Variants in ADGRB1 observed in about 807,000 individuals in gnomAD.
ADGRB1 encodes the protein brain-specific angiogenesis inhibitor 1.
In ADGRB1, 36 loss-of-function variants were observed where a neutral mutation model predicts 175.7. The observed-to-expected ratio is 0.20, with a 90% CI of 0.16 to 0.27. ADGRB1 has a LOEUF of 0.27. Ranked by LOEUF, ADGRB1 falls within the 10% of genes least tolerant of loss-of-function variation. The probability of loss-of-function intolerance (pLI) is 1.00; values close to 1 mark genes in which losing one functional copy is unlikely to be tolerated. For synonymous variants in ADGRB1, 1,054 were observed against 979.4 expected, an observed-to-expected ratio of 1.08 and a Z score of -1.42; for missense variants, 1,731 against 2,255.3, an observed-to-expected ratio of 0.77 and a Z score of 4.71.
At chr8:142,499,686 G>T (rs1259512530) in intron 17 of ADGRB1, among the ~76,000 whole-genome samples, 2 of 152,234 alleles carry the variant, frequency 1.3e-5, no homozygotes, top group East Asian at 1.9e-4. Flanking sequence ...GCCTCCGGGG[G>T]CCCCTTGCCT....
At chr8:142,466,806 C>T (rs1022896304) in intron 2 of ADGRB1, among the ~76,000 whole-genome samples, 8 of 152,152 alleles carry the variant, frequency 5.3e-5, no homozygotes, top group East Asian at 3.9e-4. Flanking sequence ...CTGGGCCCAG[C>T]GGTCACAGGC....
chr8:142,514,249 C>T (rs1271604951), intron 18 of ADGRB1, among the ~76,000 whole-genome samples: 1 of 151,876 alleles, frequency 6.6e-6, no homozygotes, highest in Non-Finnish European at 1.5e-5. Flanking sequence ...ACGTGGGCAC[C>T]CCGGGAGCCA....
intron 17 of ADGRB1, among the ~76,000 whole-genome samples, chr8:142,498,290 C>G (rs1198401717): frequency 6.6e-6 from 1 of 152,212 alleles, no homozygotes; most frequent in Non-Finnish European, 1.5e-5. Context: ...TGCCATGGCT[C>G]CAGGCACACA....
At chr8:142,495,129 G>A (rs1349302876) in intron 17 of ADGRB1, among the ~76,000 whole-genome samples, 1 of 152,168 alleles carries the variant, frequency 6.6e-6, no homozygotes, top group African/African-American at 2.4e-5. Flanking sequence ...ATGTGCGAAG[G>A]GGTTCTTGGT....
intron 1 of ADGRB1, among the ~76,000 whole-genome samples, chr8:142,459,838 G>C (rs1839877911): frequency 6.6e-6 from 1 of 152,186 alleles, no homozygotes; most frequent in Non-Finnish European, 1.5e-5. Flanking sequence ...CTGTGACCCT[G>C]TCCACATTGA....
intron 24 of ADGRB1, among the ~76,000 whole-genome samples, chr8:142,526,977 C>T (rs1257187552): frequency 1.3e-5 from 2 of 152,166 alleles, no homozygotes; most frequent in Admixed American, 1.3e-4. Context: ...CCCCACTCCC[C>T]TACCACAAGG....
Position 142,544,337 on chromosome 8 carries a change from C to T in ADGRB1, c.4675C>T (p.Arg1559Cys), listed in dbSNP as rs973963773. 7 of 1,547,790 alleles carry T rather than the reference C, an allele frequency of 4.5e-6. No individual in the cohort carries two copies. The African/African-American group carries it at 5.5e-5, about 12-fold the overall frequency. The stretch of plus-strand genomic sequence containing the variant: ...GCTGCAGCCGTCGCCGCTGGAGCTT[C>T]GCAGCGTGGAGTGGGAGAGGTCGGG... ...EPLQPSPLELRSVEWERSGAT... is the reference protein window; with the variant it reads ...EPLQPSPLELCSVEWERSGAT... The change falls in exon 31 of 31, where the codon CGC (arginine) becomes TGC (cysteine). Residue 1559 changes from arginine to cysteine, a missense_variant. Arg to Cys is a radical substitution (Grantham distance 180, BLOSUM62 -3). Around this residue, in one of 8 missense-constraint regions of ADGRB1, gnomAD observed 394 missense variants for 410.2 expected, o/e 0.96. Transcript: ENST00000517894.
At position 142,537,500 on chromosome 8, in the gene ADGRB1, C is replaced by T. The variant is rs996517823; in HGVS notation, c.3666+418C>T. Among the ~76,000 whole-genome samples, 1 of 152,066 alleles carries T rather than the reference C, an allele frequency of 6.6e-6. No homozygotes were observed. Among genetic ancestry groups the T allele is most frequent in the African/African-American group, 2.4e-5 (1 of 41,380 alleles). The stretch of plus-strand genomic sequence containing the variant: ...CCACCTAGGGGTCCAGCCTAGCCTG[C>T]CCATCCCCTCCCCCTACCCCGCATA... On this transcript the variant is annotated intron_variant, in intron 26 of 30. Transcript: ENST00000517894. The surrounding 1 kb of genome is among the most constrained non-coding windows in gnomAD (Gnocchi z 4.6).
At chr8:142,463,478 C>T (rs766659639) in intron 1 of ADGRB1, among the ~76,000 whole-genome samples, 1 of 152,274 alleles carries the variant, frequency 6.6e-6, no homozygotes, top group African/African-American at 2.4e-5. Flanking sequence ...TCCGGGCCCA[C>T]TTCCCTTCCC....
chr8:142,536,560 A>G (rs1844935449), intron 25 of ADGRB1, among the ~76,000 whole-genome samples: 1 of 151,938 alleles, frequency 6.6e-6, no homozygotes, highest in African/African-American at 2.4e-5. Context: ...CTGGCACAGC[A>G]CCCCACACTC....
In ADGRB1 at chr8:142,510,782, G is replaced by A. The variant is rs1019917077; in HGVS notation, c.2676-150G>A. ...GCCGCGGGGCCTGGCGGCGGCGGGC[G>A]GACGGGCGCGCGGCTGCGGGCGCAG... On this transcript the variant is annotated intron_variant, in intron 17 of 30. Transcript: ENST00000517894. This position sits in a 1 kb window ranked among gnomAD's most constrained non-coding sequence, Gnocchi z 6.3. The A allele has an allele frequency of 2.0e-3, 361 of 184,028 alleles. No homozygotes were observed. The highest frequency in any genetic ancestry group is 3.1e-3 in the Non-Finnish European group (316 of 100,956). The allele number at this position is 184,028 out of a possible 1,614,324, so 11.4% of individuals were successfully genotyped here. A position where few individuals can be genotyped will look rare whatever the true frequency, so the allele number is the denominator to read the frequency against.
In ADGRB1 at chr8:142,492,941, A is replaced by C. The variant is rs533869360; in HGVS notation, c.2675+2126A>C. On this transcript the variant is annotated intron_variant, in intron 17 of 30. Transcript: ENST00000517894. This position sits in a 1 kb window ranked among gnomAD's most constrained non-coding sequence, Gnocchi z 4.4. ...ATCCGGGCTGTTCGCCGGCCGCGGC[A>C]GCTCTCGGGGGGCTGCGCCCTGGTT... Among the ~76,000 whole-genome samples the C allele has an allele frequency of 3.7e-3, 555 of 151,172 alleles. 6 individuals carry two copies. The highest frequency in any genetic ancestry group is 0.013 in the African/African-American group (537 of 41,120).
Position 142,477,475 on chromosome 8 carries a change from C to T in ADGRB1, c.1313C>T (p.Pro438Leu). Residue 438 changes from proline to leucine, a missense_variant, in exon 6 of 31, where the codon CCC becomes CTC. Transcript: ENST00000517894. ...GFRDRTRTCR[P>L]PQFGGNPCEG... is the part of the protein sequence containing the mutation. ...CGGGATCGCACGCGCACCTGCAGGC[C>T]CCCCCAGTTTGGGGGCAACCCCTGT... 2 of 1,613,000 alleles carry T rather than the reference C, an allele frequency of 1.2e-6. No homozygotes were observed. The highest frequency in any genetic ancestry group is 1.7e-6 in the Non-Finnish European group (2 of 1,179,818).
At chr8:142,475,864 G>A (rs1369464909) in intron 3 of ADGRB1, among the ~76,000 whole-genome samples, 1 of 104,626 alleles carries the variant, frequency 9.6e-6, no homozygotes, top group Non-Finnish European at 2.0e-5. Flanking sequence ...TGAATAGGGT[G>A]GGTCTGGGCT....
At position 142,522,107 on chromosome 8, in the gene ADGRB1, T is replaced by G; in HGVS notation, c.3167T>G (p.Leu1056Arg). Residue 1056 changes from leucine to arginine, a missense_variant, in exon 21 of 31, where the codon CTG (leucine) becomes CGG (arginine). Transcript: ENST00000517894. Reference sequence around the variant, plus strand: ...CTCATCCGCAAGCGCTTCCTCTGCCTGGGCTGGGGTGAGCCGCGGCCTTCC... The same window carrying G: ...CTCATCCGCAAGCGCTTCCTCTGCCGGGGCTGGGGTGAGCCGCGGCCTTCC... ...NRLIRKRFLC[L>R]GWGLPALVVA... is the part of the protein sequence containing the mutation. 6.2e-7 allele frequency: 1 copy of G among 1,609,506 alleles called. No homozygotes were observed. Among genetic ancestry groups the G allele is most frequent in the Non-Finnish European group, 8.5e-7 (1 of 1,179,620 alleles).
At chr8:142,476,755 C>T (rs942130576) in intron 4 of ADGRB1, 60 bp downstream of exon 4, 15 of 1,426,558 alleles carry the variant, frequency 1.1e-5, no homozygotes, top group African/African-American at 8.6e-5. Flanking sequence ...TGTAAGTTAT[C>T]AATTGCAGCT....
At chr8:142,525,140 G>A (rs991874885) in intron 23 of ADGRB1, among the ~76,000 whole-genome samples, 4 of 152,082 alleles carry the variant, frequency 2.6e-5, no homozygotes, top group Non-Finnish European at 5.9e-5. Flanking sequence ...GTGATGGGGA[G>A]CTAGCCCTGT....
Position 142,492,429 on chromosome 8 carries a change from G to A in ADGRB1, c.2675+1614G>A, listed in dbSNP as rs190710961. ...ATGGGCCGGGAAGGGAAGCTAGCAGGGTCTGGATGCGGGTGGGGAGGGGCC... is the reference window on the plus strand; with the variant it reads ...ATGGGCCGGGAAGGGAAGCTAGCAGAGTCTGGATGCGGGTGGGGAGGGGCC... On this transcript the variant is annotated intron_variant, in intron 17 of 30. Coordinates refer to ENST00000517894, the MANE Select transcript of ADGRB1 (RefSeq NM_001702.3). The surrounding 1 kb of genome is among the most constrained non-coding windows in gnomAD (Gnocchi z 4.4). Among the ~76,000 whole-genome samples, 155 of 152,280 alleles carry A rather than the reference G, an allele frequency of 1.0e-3. 3 individuals carry two copies. Among genetic ancestry groups the A allele is most frequent in the Admixed American group, 9.3e-3 (142 of 15,302 alleles).
At chr8:142,496,529 T>G (rs1411216903) in intron 17 of ADGRB1, among the ~76,000 whole-genome samples, 2 of 152,160 alleles carry the variant, frequency 1.3e-5, no homozygotes, top group South Asian at 2.1e-4. Context: ...GGGAGTTAGG[T>G]TCTGTGGTCC....
Sources: gnomAD v4.1 joint callset for allele counts (sites outside exome capture counted in the v4.1 genomes callset) on GRCh38, gnomAD v4.1.1 for gene constraint, gnomAD v4.1.1 regional missense constraint, Gnocchi (gnomAD v3.1) non-coding constraint, MANE v1.5 for transcripts, NCBI Gene and HGNC (gene_info 2026-07-23, HGNC 2026-07-21) for gene names.